WWOX: variants seen among roughly 807,000 people sequenced by gnomAD.
WWOX encodes WW domain containing oxidoreductase.
WWOX carries 69 observed loss-of-function variants against 46.2 expected under a neutral mutation model. The ratio of observed to expected loss-of-function variants is 1.49; its 90% CI spans 1.23 to 1.82. The LOEUF is 1.82. WWOX is among the 40% of genes most tolerant of loss of function. The pLI is 0.00. For missense variants in WWOX, 919 were observed against 542.6 expected (o/e 1.69, Z -6.89); for synonymous variants, 359 against 202.6 (o/e 1.77, Z -6.56).
chr16:78,604,066 C>T (rs1489578232), intron 8 of WWOX, among the ~76,000 whole-genome samples: 3 of 152,058 alleles, frequency 2.0e-5, no homozygotes, highest in African/African-American at 4.8e-5. Flanking sequence ...ATCGCTTGAG[C>T]CCGGGAGGTG....
intron 8 of WWOX, among the ~76,000 whole-genome samples, chr16:79,117,287 G>A (rs1181909062): frequency 6.6e-6 from 1 of 152,078 alleles, no homozygotes; most frequent in East Asian, 1.9e-4. Flanking sequence ...ACAATTACAG[G>A]TGTGAGCCAC....
At chr16:78,457,171 C>G (rs372491028) in intron 8 of WWOX, among the ~76,000 whole-genome samples, 8 of 152,134 alleles carry the variant, frequency 5.3e-5, no homozygotes, top group African/African-American at 1.7e-4. Flanking sequence ...TGTTTTGTTT[C>G]TGTTGTCTTC....
chr16:78,416,493 T>C (rs1339972162), intron 6 of WWOX, among the ~76,000 whole-genome samples: 1 of 152,214 alleles, frequency 6.6e-6, no homozygotes, highest in African/African-American at 2.4e-5. Flanking sequence ...TTAACATTAA[T>C]GAAGGGTATT....
Position 79,025,527 on chromosome 16 carries a change from A to T in WWOX, c.1057-186081A>T, listed in dbSNP as rs188494601. Among the ~76,000 whole-genome samples, 125 of 152,240 alleles carry T rather than the reference A, an allele frequency of 8.2e-4. No individual in the cohort carries two copies. The Middle Eastern group carries it at 0.014, about 17-fold the overall frequency. ...GATCGGAGTGATTCCCCCACAAGCC[A>T]GGGAGCACTGAGGGCTGCTGGCACC... On this transcript the variant is annotated intron_variant, in intron 8 of 8. Coordinates refer to ENST00000566780, the MANE Select transcript of WWOX (RefSeq NM_016373.4).
intron 7 of WWOX, among the ~76,000 whole-genome samples, chr16:78,431,866 G>A (rs2083225661): frequency 6.6e-6 from 1 of 152,030 alleles, no homozygotes; most frequent in Admixed American, 6.6e-5. Flanking sequence ...ACAGGCATGT[G>A]CCAAAATACT....
intron 5 of WWOX, among the ~76,000 whole-genome samples, chr16:78,338,777 C>G (rs1038585521): frequency 8.3e-6 from 1 of 120,720 alleles, no homozygotes; most frequent in African/African-American, 2.8e-5. Flanking sequence ...TTTCTTCTTC[C>G]ATTTTTATGT....
At chr16:79,209,406 G>A (rs1331415035) in intron 8 of WWOX, among the ~76,000 whole-genome samples, 1 of 152,174 alleles carries the variant, frequency 6.6e-6, no homozygotes, top group Non-Finnish European at 1.5e-5. Context: ...TCTGCTTTTT[G>A]CTTTCCCAAA....
chr16:78,352,929 A>G (rs976474542), intron 5 of WWOX, among the ~76,000 whole-genome samples: 3 of 152,326 alleles, frequency 2.0e-5, no homozygotes, highest in East Asian at 1.9e-4. Flanking sequence ...GCACTAGCTT[A>G]TAGTTTATTT....
chr16:78,622,152 G>C (rs926912022), intron 8 of WWOX, among the ~76,000 whole-genome samples: 1 of 152,160 alleles, frequency 6.6e-6, no homozygotes, highest in Non-Finnish European at 1.5e-5. Flanking sequence ...CTATTGGGAA[G>C]AAATTTGGGA....
intron 8 of WWOX, among the ~76,000 whole-genome samples, chr16:78,634,811 GGA>G (rs541433739): frequency 0.031 from 3,936 of 127,804 alleles, 90 homozygotes; most frequent in East Asian, 0.074. Context: ...GCACCCGACT[GGA>G]GAGAGAGAGA....
intron 8 of WWOX, among the ~76,000 whole-genome samples, chr16:78,901,857 A>T (rs559329578): frequency 6.6e-6 from 1 of 152,290 alleles, no homozygotes; most frequent in Non-Finnish European, 1.5e-5. Context: ...AGGAGGGATG[A>T]CGTGAATTCA....
chr16:78,333,447 G>A (rs1282292786), intron 5 of WWOX, among the ~76,000 whole-genome samples: 2 of 152,082 alleles, frequency 1.3e-5, no homozygotes, highest in African/African-American at 2.4e-5. Flanking sequence ...TATTTAGTGA[G>A]TGTAATCTGT....
intron 6 of WWOX, among the ~76,000 whole-genome samples, chr16:78,397,811 C>T (rs946564504): frequency 6.6e-6 from 1 of 152,178 alleles, no homozygotes; most frequent in Non-Finnish European, 1.5e-5. Context: ...AGGCGTGAGC[C>T]ACCGCTCCTG....
Position 78,422,878 on chromosome 16 carries a change from CACACACAT to C in WWOX, c.606-1990_606-1983del, listed in dbSNP as rs1361917197. ...ACACACACACACACACACACACACA[CACACACAT>C]ATATTTTTTTTTTCTTTTAGATGGA... On this transcript the variant is annotated intron_variant, in intron 6 of 8. Coordinates refer to ENST00000566780, the MANE Select transcript of WWOX (RefSeq NM_016373.4). 8.8e-5 allele frequency among the ~76,000 whole-genome samples: 12 copies of C among 136,572 alleles called. No homozygotes were observed. The East Asian group carries it at 8.9e-4, about 10-fold the overall frequency. The allele number at this position is 136,572 out of a possible 152,430, so 89.6% of individuals were successfully genotyped here. A position where few individuals can be genotyped will look rare whatever the true frequency, so the allele number is the denominator to read the frequency against.
Position 78,672,556 on chromosome 16 carries a change from A to G in WWOX, c.1056+239804A>G, listed in dbSNP as rs116881242. On this transcript the variant is annotated intron_variant, in intron 8 of 8. Coordinates refer to ENST00000566780, the MANE Select transcript of WWOX (RefSeq NM_016373.4). ...AGTCGGCAGTGTAGCATGGCAAGAG[A>G]AGTCATTGCATCTCCAAACTGTGCC... is the stretch of plus-strand genomic sequence containing the variant. Among the ~76,000 whole-genome samples the G allele has an allele frequency of 4.1e-3, 620 of 152,280 alleles. 1 individual carries two copies. The highest frequency in any genetic ancestry group is 6.7e-3 in the Non-Finnish European group (458 of 68,032).
chr16:79,190,053 A>G (rs981775124), intron 8 of WWOX, among the ~76,000 whole-genome samples: 18 of 151,786 alleles, frequency 1.2e-4, no homozygotes, highest in African/African-American at 3.4e-4. Flanking sequence ...ATTTTTTGAG[A>G]CAGAGTCTCA....
chr16:78,356,600 C>T (rs950280495), intron 5 of WWOX, among the ~76,000 whole-genome samples: 16 of 152,210 alleles, frequency 1.1e-4, no homozygotes, highest in East Asian at 7.8e-4. Flanking sequence ...ACAAAAGTTC[C>T]GGCTGGGCAC....
chr16:78,287,301 C>T (rs1241236399), intron 5 of WWOX, among the ~76,000 whole-genome samples: 4 of 152,140 alleles, frequency 2.6e-5, no homozygotes, highest in African/African-American at 7.2e-5. Context: ...CTATGACACT[C>T]CTTCAATCTT....
intron 8 of WWOX, among the ~76,000 whole-genome samples, chr16:78,653,738 C>T (rs981235406): frequency 2.0e-5 from 3 of 152,206 alleles, no homozygotes; most frequent in African/African-American, 4.8e-5. Flanking sequence ...GGCCTCCTAA[C>T]CCGAACCTCC....
Sources: allele counts gnomAD v4.1 joint callset (sites outside exome capture counted in the v4.1 genomes callset), GRCh38; gene constraint gnomAD v4.1.1; transcripts MANE v1.5; gene names NCBI Gene and HGNC (gene_info 2026-07-23, HGNC 2026-07-21).